CEP112: variants seen among roughly 807,000 people sequenced by gnomAD.
CEP112 encodes the protein centrosomal protein 112.
A neutral mutation model predicts 153.0 loss-of-function variants in CEP112; 127 were observed. That is an observed-to-expected ratio of 0.83 (90% confidence interval 0.72 to 0.96). The LOEUF (loss-of-function observed/expected upper bound fraction) is 0.96. CEP112 is among the 40% of genes least tolerant of loss of function. The pLI, the probability that CEP112 is intolerant of heterozygous loss-of-function variation, is 0.00. For missense variants in CEP112, 1,089 were observed against 1,101.2 expected (o/e 0.99, Z 0.16); for synonymous variants, 358 against 374.4 (o/e 0.96, Z 0.51).
intron 12 of CEP112, among the ~76,000 whole-genome samples, chr17:66,053,430 T>C (rs2066529361): frequency 6.6e-6 from 1 of 152,074 alleles, no homozygotes; most frequent in Non-Finnish European, 1.5e-5. Flanking sequence ...GAGGTTGCAG[T>C]GAGCCAAGGC....
At chr17:66,127,172 G>A (rs1205909184) in intron 6 of CEP112, among the ~76,000 whole-genome samples, 1 of 152,100 alleles carries the variant, frequency 6.6e-6, no homozygotes, top group African/African-American at 2.4e-5. Flanking sequence ...TATCTTAAAT[G>A]TTTTATTTTA....
chr17:65,723,321 G>A (rs2049998716), intron 23 of CEP112, among the ~76,000 whole-genome samples: 1 of 152,204 alleles, frequency 6.6e-6, no homozygotes, highest in African/African-American at 2.4e-5. Flanking sequence ...AGCCAGCTTG[G>A]AAAATAGAGA....
intron 20 of CEP112, among the ~76,000 whole-genome samples, chr17:65,882,771 A>C (rs1598876160): frequency 6.6e-6 from 1 of 152,220 alleles, no homozygotes; most frequent in East Asian, 1.9e-4. Flanking sequence ...GAGCTCAAAG[A>C]GATGAGAATG....
At chr17:65,734,931 G>T (rs977129892) in intron 23 of CEP112, among the ~76,000 whole-genome samples, 3 of 152,130 alleles carry the variant, frequency 2.0e-5, no homozygotes, top group African/African-American at 7.2e-5. Flanking sequence ...TATTTTGAAT[G>T]GATCTTTTAC....
chr17:66,003,303 G>T (rs1259678376), intron 17 of CEP112, among the ~76,000 whole-genome samples: 1 of 152,102 alleles, frequency 6.6e-6, no homozygotes, highest in Non-Finnish European at 1.5e-5. Flanking sequence ...GGGTTACTTG[G>T]CTCAGAAAAT....
At chr17:65,947,660 T>G (rs2061691503) in intron 18 of CEP112, among the ~76,000 whole-genome samples, 2 of 152,284 alleles carry the variant, frequency 1.3e-5, no homozygotes, top group Non-Finnish European at 2.9e-5. Flanking sequence ...GTTTATTTTT[T>G]GTTTTTCAAA....
At chr17:65,899,649 T>TA (rs1284182183) in intron 20 of CEP112, among the ~76,000 whole-genome samples, 1 of 152,024 alleles carries the variant, frequency 6.6e-6, no homozygotes, top group Admixed American at 6.6e-5. Context: ...AAGTCAAAAA[T>TA]AGATTTTAAG....
intron 21 of CEP112, among the ~76,000 whole-genome samples, chr17:65,784,430 C>A (rs1342248710): frequency 6.6e-6 from 1 of 152,194 alleles, no homozygotes; most frequent in Admixed American, 6.5e-5. Context: ...AGCTTCTTTA[C>A]TGGGGAAGCA....
intron 21 of CEP112, among the ~76,000 whole-genome samples, chr17:65,846,495 AAC>A (rs2057729212): frequency 6.6e-6 from 1 of 152,248 alleles, no homozygotes; most frequent in Non-Finnish European, 1.5e-5. Flanking sequence ...ATAAATCAAT[AAC>A]AGTTTATTCA....
At chr17:65,967,961 A>G (rs1378407139) in intron 17 of CEP112, among the ~76,000 whole-genome samples, 1 of 152,150 alleles carries the variant, frequency 6.6e-6, no homozygotes, top group Non-Finnish European at 1.5e-5. Flanking sequence ...TAAATCCCAC[A>G]TATGATGCTA....
intron 23 of CEP112, among the ~76,000 whole-genome samples, chr17:65,708,653 T>G (rs2049027293): frequency 1.3e-5 from 2 of 152,154 alleles, no homozygotes; most frequent in Non-Finnish European, 2.9e-5. Flanking sequence ...GGTGCCTTGA[T>G]TTTTCAGGTC....
At chr17:65,888,039 C>T (rs1050474885) in intron 20 of CEP112, among the ~76,000 whole-genome samples, 2 of 152,122 alleles carry the variant, frequency 1.3e-5, no homozygotes, top group African/African-American at 4.8e-5. Flanking sequence ...CTTCCAAAAA[C>T]TCCCCCAGGG....
chr17:65,849,161 G>A (rs374157856), intron 21 of CEP112, among the ~76,000 whole-genome samples: 8 of 152,290 alleles, frequency 5.3e-5, no homozygotes, highest in African/African-American at 1.9e-4. Flanking sequence ...CTATGTCATG[G>A]AAACGGTTTT....
chr17:65,664,279 G>A lies in CEP112; in HGVS notation c.2698-23214C>T, dbSNP rs2046567270. On this transcript the variant is annotated intron_variant, in intron 24 of 26. Transcript: ENST00000535342. ...AAAAACCATGAGCCAAGGCGAAAAT[G>A]AGTGTGGCTGGTGTGAGAGCTGAGC... is the stretch of plus-strand genomic sequence containing the variant. Among the ~76,000 whole-genome samples the A allele has an allele frequency of 2.0e-5, 3 of 152,178 alleles. No individual in the cohort carries two copies. In the South Asian group the frequency reaches 6.2e-4, roughly 32 times the overall value.
At chr17:65,987,444 A>G (rs1193677116) in intron 17 of CEP112, among the ~76,000 whole-genome samples, 1 of 152,218 alleles carries the variant, frequency 6.6e-6, no homozygotes, top group Non-Finnish European at 1.5e-5. Context: ...GTGAAAATGG[A>G]AAATAAATGC....
In CEP112 at chr17:66,132,782, C is replaced by A; in HGVS notation, c.471-19G>T. Reference sequence around the variant, plus strand: ...TTCCCTGCTAAGAGACCAAAATAATCGCAATCACAATTTGGAGAATTCAGA... The same window carrying A: ...TTCCCTGCTAAGAGACCAAAATAATAGCAATCACAATTTGGAGAATTCAGA... On this transcript the variant is annotated intron_variant, in intron 4 of 26. Coordinates refer to ENST00000535342, the MANE Select transcript of CEP112 (RefSeq NM_001199165.4). 6.6e-7 allele frequency: 1 copy of A among 1,510,210 alleles called. No homozygotes were observed. The highest frequency in any genetic ancestry group is 9.2e-7 in the Non-Finnish European group (1 of 1,085,638). 93.6% of individuals were successfully genotyped at this position (1,510,210 alleles called of 1,614,324 possible). A position where few individuals can be genotyped will look rare whatever the true frequency, so the allele number is the denominator to read the frequency against.
In CEP112 at chr17:65,918,600, T is replaced by G. The variant is rs146655560; in HGVS notation, c.1980+8982A>C. Among the ~76,000 whole-genome samples, 9 of 152,338 alleles carry G rather than the reference T, an allele frequency of 5.9e-5. No homozygotes were observed. In the East Asian group the frequency reaches 1.7e-3, roughly 29 times the overall value. ...AACACAAGATTAAAGAATGATCTCA[T>G]GGAGTTGCCAAAGAAATCTCTATAG... is the stretch of plus-strand genomic sequence containing the variant. On this transcript the variant is annotated intron_variant, in intron 19 of 26. Transcript: ENST00000535342.
intron 20 of CEP112, among the ~76,000 whole-genome samples, chr17:65,878,742 C>T (rs934553778): frequency 6.6e-5 from 10 of 151,518 alleles, no homozygotes; most frequent in Admixed American, 2.6e-4. Flanking sequence ...AAAATAAGGA[C>T]GAGCCCCCAA....
At chr17:65,990,646 C>A (rs146507979) in intron 17 of CEP112, among the ~76,000 whole-genome samples, 1 of 152,346 alleles carries the variant, frequency 6.6e-6, no homozygotes, top group African/African-American at 2.4e-5. Flanking sequence ...TTCTAGCAAG[C>A]CTTGCCACCA....
Sources: gnomAD v4.1 joint callset for allele counts (sites outside exome capture counted in the v4.1 genomes callset) on GRCh38, gnomAD v4.1.1 for gene constraint, MANE v1.5 for transcripts, NCBI Gene and HGNC (gene_info 2026-07-23, HGNC 2026-07-21) for gene names.